BANK1: variants seen among roughly 807,000 people sequenced by gnomAD.
BANK1 encodes the protein B-cell scaffold protein with ankyrin repeats.
BANK1 carries 95 observed loss-of-function variants against 94.5 expected under a neutral mutation model. That is an observed-to-expected ratio of 1.00 (90% CI 0.85 to 1.19). BANK1 has a LOEUF of 1.19. Ranked by LOEUF, BANK1 falls within the 50% of genes most tolerant of loss-of-function variation. BANK1 has a pLI of 0.00. For synonymous variants in BANK1, 334 were observed against 308.4 expected (o/e 1.08, Z -0.87); for missense variants, 987 against 932.2 (o/e 1.06, Z -0.77).
chr4:101,991,598 C>T (rs1370739155), intron 7 of BANK1, among the ~76,000 whole-genome samples: 1 of 152,158 alleles, frequency 6.6e-6, no homozygotes, highest in Non-Finnish European at 1.5e-5. Flanking sequence ...GTTTAATTAG[C>T]CTATGGACAA....
In BANK1 at chr4:101,882,906, G is replaced by A. The variant is rs868514859; in HGVS notation, c.903+12262G>A. Among the ~76,000 whole-genome samples the A allele has an allele frequency of 4.6e-5, 7 of 152,030 alleles. No homozygotes were observed. In the South Asian group the frequency reaches 1.2e-3, roughly 27 times the overall value. On this transcript the variant is annotated intron_variant, in intron 5 of 16. Transcript: ENST00000322953. ...TGTCCGTCCAAAGGAGAAGCAAATC[G>A]TCCAAGTTCTGTGTATCTTCCATCA...
At chr4:101,912,838 G>T (rs1328683281) in intron 6 of BANK1, among the ~76,000 whole-genome samples, 1 of 151,758 alleles carries the variant, frequency 6.6e-6, no homozygotes, top group Admixed American at 6.6e-5. Flanking sequence ...CCTTGTCTTT[G>T]TGCATTTTAT....
intron 2 of BANK1, among the ~76,000 whole-genome samples, chr4:101,852,061 C>A (rs946369941): frequency 5.9e-5 from 9 of 151,930 alleles, no homozygotes; most frequent in African/African-American, 1.9e-4. Context: ...TTTTGGACTC[C>A]GTTTTCTCTG....
intron 1 of BANK1, among the ~76,000 whole-genome samples, chr4:101,805,141 T>G (rs1028379574): frequency 5.3e-5 from 8 of 152,210 alleles, no homozygotes; most frequent in African/African-American, 1.7e-4. Context: ...GCAGTGGCTA[T>G]AAACAGATTT....
chr4:101,932,425 T>C (rs182699874), intron 7 of BANK1, among the ~76,000 whole-genome samples: 1 of 151,670 alleles, frequency 6.6e-6, no homozygotes, highest in East Asian at 2.0e-4. Context: ...AAGGGGACTT[T>C]TCTTTAAATT....
intron 7 of BANK1, among the ~76,000 whole-genome samples, chr4:101,980,371 A>AT (rs1200857488): frequency 6.6e-6 from 1 of 151,052 alleles, no homozygotes. Context: ...TGCTAGTTTT[A>AT]TTTTTTCCCA....
At chr4:101,869,990 CA>C (rs1231379705) in intron 4 of BANK1, among the ~76,000 whole-genome samples, 1 of 151,904 alleles carries the variant, frequency 6.6e-6, no homozygotes, top group African/African-American at 2.4e-5. Flanking sequence ...ACTTCAGTAT[CA>C]GGGGATTAAA....
At chr4:101,847,988 C>G (rs921892622) in intron 2 of BANK1, among the ~76,000 whole-genome samples, 1 of 152,172 alleles carries the variant, frequency 6.6e-6, no homozygotes, top group African/African-American at 2.4e-5. Flanking sequence ...CCCTTTGGCG[C>G]CAGCGAGGAA....
chr4:102,062,760 T>G, intron 12 of BANK1: 1 of 246,904 alleles, frequency 4.1e-6, no homozygotes, highest in South Asian at 6.7e-5. Context: ...CAAAACAACT[T>G]CCCAAAGAAT....
In BANK1 at chr4:102,063,249, G is replaced by A. The variant is rs2148964899; in HGVS notation, c.2212+111G>A. On this transcript the variant is annotated intron_variant, in intron 13 of 16. Coordinates refer to ENST00000322953, the MANE Select transcript of BANK1 (RefSeq NM_017935.5). Reference sequence around the variant, plus strand: ...CAAATCTAAACCTCAACAATTCCCAGCTGTCTAACCTGGAGAGGGTCTTAA... The same window carrying A: ...CAAATCTAAACCTCAACAATTCCCAACTGTCTAACCTGGAGAGGGTCTTAA... 1.4e-5 allele frequency: 13 copies of A among 946,028 alleles called. No individual in the cohort carries two copies. In the South Asian group the frequency reaches 2.0e-4, roughly 14 times the overall value. The allele number at this position is 946,028 out of a possible 1,614,324, so 58.6% of individuals were successfully genotyped here.
chr4:101,900,759 T>C (rs1052335249), intron 6 of BANK1, among the ~76,000 whole-genome samples: 7 of 152,196 alleles, frequency 4.6e-5, no homozygotes, highest in Admixed American at 2.0e-4. Context: ...AGTTCTACTT[T>C]GGCTATGTTA....
At position 101,895,346 on chromosome 4, in the gene BANK1, CA is replaced by C; in HGVS notation, c.948del (p.Lys316AsnfsTer40). 3.1e-6 allele frequency: 5 copies of C among 1,594,902 alleles called. No homozygotes were observed. Among genetic ancestry groups the C allele is most frequent in the Non-Finnish European group, 3.4e-6 (4 of 1,171,278 alleles). On this transcript the variant is annotated frameshift_variant, in exon 6 of 17. Transcript: ENST00000322953. LOFTEE classifies it high-confidence loss of function. ...TTGATGGTGTCCTTACATCCATATT[CA>C]AACATGAGATACCATATTATGAGTT... ...ELDGVLTSIFKHEIPYYEFQS... is the reference protein window; with the variant it reads ...ELDGVLTSIFXHEIPYYEFQS...
chr4:101,993,277 T>A (rs1725770264), intron 7 of BANK1, among the ~76,000 whole-genome samples: 1 of 152,280 alleles, frequency 6.6e-6, no homozygotes, highest in East Asian at 1.9e-4. Flanking sequence ...AAGTTGTACA[T>A]CGTTTTCTCA....
intron 7 of BANK1, among the ~76,000 whole-genome samples, chr4:102,006,151 A>C (rs1726254314): frequency 6.6e-6 from 1 of 152,046 alleles, no homozygotes; most frequent in African/African-American, 2.4e-5. Context: ...CTAATCCTTG[A>C]AACAACCCAA....
At chr4:101,893,132 A>G (rs890027926) in intron 5 of BANK1, among the ~76,000 whole-genome samples, 3 of 151,970 alleles carry the variant, frequency 2.0e-5, no homozygotes, top group African/African-American at 7.2e-5. Flanking sequence ...CTATGTGGTG[A>G]CCTTTTTTTC....
chr4:102,064,613 T>C (rs192134522), intron 13 of BANK1, among the ~76,000 whole-genome samples: 186 of 152,352 alleles, frequency 1.2e-3, no homozygotes, highest in Non-Finnish European at 2.3e-3. Context: ...GCCTTAATTA[T>C]GAATCAATTA....
chr4:101,824,964 G>T (rs543040331), intron 1 of BANK1, among the ~76,000 whole-genome samples: 1 of 152,010 alleles, frequency 6.6e-6, no homozygotes, highest in Non-Finnish European at 1.5e-5. Context: ...TTTCTTTCAG[G>T]TTTAAACATT....
intron 6 of BANK1, among the ~76,000 whole-genome samples, chr4:101,916,952 G>A (rs984545068): frequency 2.6e-5 from 4 of 151,922 alleles, no homozygotes; most frequent in South Asian, 2.1e-4. Context: ...CATGCTAAAC[G>A]TTTATTGTAT....
intron 1 of BANK1, among the ~76,000 whole-genome samples, chr4:101,801,796 A>G (rs561701296): frequency 6.6e-5 from 10 of 152,242 alleles, no homozygotes; most frequent in African/African-American, 2.4e-4. Flanking sequence ...ACTTTGTCTT[A>G]TGCATCACAA....
Sources: gnomAD v4.1 joint callset for allele counts (sites outside exome capture counted in the v4.1 genomes callset) on GRCh38, gnomAD v4.1.1 for gene constraint, MANE v1.5 for transcripts, NCBI Gene and HGNC (gene_info 2026-07-23, HGNC 2026-07-21) for gene names.